SYT1: variants seen among roughly 807,000 people sequenced by gnomAD.
SYT1 encodes synaptotagmin-1.
A neutral mutation model predicts 44.8 loss-of-function variants in SYT1; 8 were observed. The ratio of observed to expected loss-of-function variants is 0.18; its 90% CI spans 0.10 to 0.32. The LOEUF (loss-of-function observed/expected upper bound fraction) is 0.32. Ranked by LOEUF, SYT1 falls within the 10% of genes least tolerant of loss-of-function variation. The probability of loss-of-function intolerance (pLI) is 1.00; values close to 1 mark genes in which losing one functional copy is unlikely to be tolerated. For missense variants in SYT1, 286 were observed against 509.3 expected (o/e 0.56, Z 4.22); for synonymous variants, 154 against 188.8 (o/e 0.82, Z 1.51).
At position 78,965,204 on chromosome 12, in the gene SYT1, CTGATA is replaced by C. The variant is rs1196216712; in HGVS notation, c.-216-12593_-216-12589del. On this transcript the variant is annotated intron_variant, in intron 1 of 10. Transcript: ENST00000261205. Reference sequence around the variant, plus strand: ...CATATTGGAAATCAATATTTGTTGTCTGATATATTTCTTAAATAATACGAATTAAA... The same window carrying C: ...CATATTGGAAATCAATATTTGTTGTCTATTTCTTAAATAATACGAATTAAA... Among the ~76,000 whole-genome samples, 3 of 152,028 alleles carry C rather than the reference CTGATA, an allele frequency of 2.0e-5. No individual in the cohort carries two copies. The East Asian group carries it at 5.8e-4, about 29-fold the overall frequency.
chr12:79,384,665 C>A (rs1421946002), intron 9 of SYT1, among the ~76,000 whole-genome samples: 1 of 152,164 alleles, frequency 6.6e-6, no homozygotes, highest in Non-Finnish European at 1.5e-5. Flanking sequence ...CCTGGGAGAT[C>A]CGGAGCACCA....
intron 9 of SYT1, among the ~76,000 whole-genome samples, chr12:79,413,113 GGA>G (rs1350345205): frequency 8.5e-5 from 13 of 152,200 alleles, no homozygotes; most frequent in Admixed American, 7.9e-4. Context: ...CAACATAAAA[GGA>G]GAGGTTATCC....
At chr12:79,113,109 T>C (rs1343680750) in intron 3 of SYT1, among the ~76,000 whole-genome samples, 3 of 152,300 alleles carry the variant, frequency 2.0e-5, no homozygotes, top group Non-Finnish European at 4.4e-5. Flanking sequence ...ATGTTTTTTA[T>C]TGCTGTTTTC....
rs71091653 is a variant in SYT1, at chr12:79,215,918, C to CTTTTTTTTTTTTTT, written c.-17-1568_-17-1555dup. 9.1e-5 allele frequency among the ~76,000 whole-genome samples: 7 copies of CTTTTTTTTTTTTTT among 76,726 alleles called. 1 individual carries two copies. The highest frequency in any genetic ancestry group is 2.1e-4 in the Admixed American group (1 of 4,710). 50.3% of individuals were successfully genotyped at this position (76,726 alleles called of 152,430 possible). On this transcript the variant is annotated intron_variant, in intron 3 of 10. Coordinates refer to ENST00000261205, the MANE Select transcript of SYT1 (RefSeq NM_005639.3). ...ACTCACAAATCGTTTGCATTTCTTT[C>CTTTTTTTTTTTTTT]TTTTTTTTTTTTTTTTTTTTTTTTT...
chr12:79,051,633 C>T (rs1398437050), intron 3 of SYT1, among the ~76,000 whole-genome samples: 1 of 151,820 alleles, frequency 6.6e-6, no homozygotes, highest in African/African-American at 2.4e-5. Context: ...CTGCCATCAG[C>T]AACACTTAAG....
At chr12:78,980,304 A>G (rs757748805) in intron 2 of SYT1, among the ~76,000 whole-genome samples, 2 of 152,190 alleles carry the variant, frequency 1.3e-5, no homozygotes, top group Non-Finnish European at 2.9e-5. Flanking sequence ...TGTTTGACCC[A>G]TAAAATTAAT....
intron 8 of SYT1, among the ~76,000 whole-genome samples, chr12:79,323,599 C>G (rs1881468822): frequency 6.6e-6 from 1 of 152,082 alleles, no homozygotes; most frequent in Non-Finnish European, 1.5e-5. Flanking sequence ...CAAACTGAGC[C>G]TTTAGCTGTC....
intron 7 of SYT1, 34 bp from the exon 8 acceptor site, chr12:79,299,350 A>T: frequency 6.2e-7 from 1 of 1,605,992 alleles, no homozygotes; most frequent in South Asian, 1.1e-5. Context: ...CATTTTTGTG[A>T]CTGGATATTT....
At chr12:79,402,165 G>T (rs1454121103) in intron 9 of SYT1, among the ~76,000 whole-genome samples, 1 of 152,058 alleles carries the variant, frequency 6.6e-6, no homozygotes, top group Non-Finnish European at 1.5e-5. Context: ...TCCACCCATC[G>T]CAAGCTCAGA....
At chr12:79,182,908 T>C (rs1236261996) in intron 3 of SYT1, among the ~76,000 whole-genome samples, 2 of 152,120 alleles carry the variant, frequency 1.3e-5, no homozygotes, top group Admixed American at 6.6e-5. Flanking sequence ...TTAAATATTG[T>C]GTACAGATAA....
intron 2 of SYT1, among the ~76,000 whole-genome samples, chr12:79,031,659 C>T (rs1261846705): frequency 1.3e-5 from 2 of 150,994 alleles, no homozygotes; most frequent in African/African-American, 4.8e-5. Flanking sequence ...CCTTATAGAA[C>T]TTAAAAGAAA....
chr12:79,251,982 T>TGACAGATA (rs1555211616), intron 4 of SYT1, among the ~76,000 whole-genome samples: 21 of 149,936 alleles, frequency 1.4e-4, no homozygotes, highest in Admixed American at 8.0e-4. Flanking sequence ...GATAGATGAT[T>TGACAGATA]GATAGATAGA....
At chr12:79,349,142 AGGAAGGAAGAAAAGG>A (rs1430731098) in intron 8 of SYT1, among the ~76,000 whole-genome samples, 1 of 150,708 alleles carries the variant, frequency 6.6e-6, no homozygotes, top group African/African-American at 2.4e-5. Context: ...AGGAAGAGGA[AGGAAGGAAGAAAAGG>A]GGAAGGAAGG....
At chr12:79,204,079 T>C (rs1425168178) in intron 3 of SYT1, among the ~76,000 whole-genome samples, 1 of 152,220 alleles carries the variant, frequency 6.6e-6, no homozygotes, top group Non-Finnish European at 1.5e-5. Context: ...ACTTACTAGC[T>C]GTGCAAACTT....
intron 3 of SYT1, among the ~76,000 whole-genome samples, chr12:79,105,143 G>A (rs1565808548): frequency 6.6e-6 from 1 of 152,252 alleles, no homozygotes; most frequent in East Asian, 1.9e-4. Context: ...GGATCAAATG[G>A]CTTGGCTTCA....
At chr12:79,329,803 C>A (rs959901503) in intron 8 of SYT1, among the ~76,000 whole-genome samples, 33 of 152,246 alleles carry the variant, frequency 2.2e-4, no homozygotes, top group Admixed American at 6.5e-4. Context: ...ACACAGCCAT[C>A]TCTACACTGT....
At chr12:78,994,534 ATTT>A (rs1158976321) in intron 2 of SYT1, among the ~76,000 whole-genome samples, 7 of 55,580 alleles carry the variant, frequency 1.3e-4, no homozygotes, top group African/African-American at 5.2e-4. Flanking sequence ...TGTTCTGAGG[ATTT>A]TTTTTTTTTT....
intron 3 of SYT1, among the ~76,000 whole-genome samples, chr12:79,128,946 T>C (rs1056716393): frequency 1.3e-5 from 2 of 152,186 alleles, no homozygotes; most frequent in East Asian, 1.9e-4. Flanking sequence ...AATTTTGTGT[T>C]TGTGTTTCAA....
chr12:78,966,601 A>G (rs1868255345), intron 1 of SYT1, among the ~76,000 whole-genome samples: 1 of 152,160 alleles, frequency 6.6e-6, no homozygotes, highest in Non-Finnish European at 1.5e-5. Context: ...CATATTACTT[A>G]TATCAGGTAA....
Sources: gnomAD v4.1 joint callset for allele counts (sites outside exome capture counted in the v4.1 genomes callset) on GRCh38, gnomAD v4.1.1 for gene constraint, MANE v1.5 for transcripts, NCBI Gene and HGNC (gene_info 2026-07-23, HGNC 2026-07-21) for gene names.